FKBP14: variants seen among roughly 807,000 people sequenced by gnomAD.
FKBP14 encodes the protein FKBP prolyl isomerase 14.
Under a neutral mutation model 21.6 loss-of-function variants are expected in FKBP14, and 20 were observed. The ratio of observed to expected loss-of-function variants is 0.92; its 90% CI spans 0.65 to 1.34. The LOEUF (loss-of-function observed/expected upper bound fraction) is 1.34, where lower values mean the gene tolerates loss of function less well. FKBP14 is among the 40% of genes most tolerant of loss of function. The pLI is 0.00. For missense variants in FKBP14, 253 were observed against 249.0 expected, an observed-to-expected ratio of 1.02 and a Z score of -0.11; for synonymous variants, 79 against 86.7, an observed-to-expected ratio of 0.91 and a Z score of 0.49.
At chr7:30,009,954 G>A (rs1006322754), downstream of FKBP14, among the ~76,000 whole-genome samples, 16 of 152,066 alleles carry the variant, frequency 1.1e-4, no homozygotes, top group Non-Finnish European at 1.5e-4. Context: ...AACCAAGATC[G>A]CGCCACTGGA....
At position 30,012,928 on chromosome 7, in the gene FKBP14, G is replaced by A. The variant is rs1280797402; in HGVS notation, c.*1807C>T. The A allele has an allele frequency of 5.9e-5, 9 of 152,068 alleles. No individual in the cohort carries two copies. The highest frequency in any genetic ancestry group is 1.9e-4 in the East Asian group (1 of 5,194). The allele number at this position is 152,068 out of a possible 1,614,324, so 9.4% of individuals were successfully genotyped here. A position where few individuals can be genotyped will look rare whatever the true frequency, so the allele number is the denominator to read the frequency against. On this transcript the variant is annotated 3_prime_UTR_variant, in exon 4 of 4. Coordinates refer to ENST00000222803, the MANE Select transcript of FKBP14 (RefSeq NM_017946.4). ...AGGGCAGTAGAAGACACTGAACTTGGGGACTGAATACTGGTTCTGCAGGTT... is the reference window on the plus strand; with the variant it reads ...AGGGCAGTAGAAGACACTGAACTTGAGGACTGAATACTGGTTCTGCAGGTT...
intron 2 of FKBP14, among the ~76,000 whole-genome samples, chr7:30,022,053 T>A (rs1248783502): frequency 6.6e-6 from 1 of 152,204 alleles, no homozygotes; most frequent in Non-Finnish European, 1.5e-5. Context: ...AATACATTGT[T>A]AAAAACTTTA....
At chr7:30,022,465 C>T (rs1407785602) in intron 2 of FKBP14, 200 bp downstream of exon 2, 3 of 471,118 alleles carry the variant, frequency 6.4e-6, no homozygotes, top group Non-Finnish European at 1.1e-5. Context: ...TTATTGTTAG[C>T]ATAGTTGCCC....
chr7:30,008,759 G>A (rs973749116), downstream of FKBP14, among the ~76,000 whole-genome samples: 12 of 151,686 alleles, frequency 7.9e-5, no homozygotes, highest in African/African-American at 2.7e-4. Flanking sequence ...GGCCGATCAC[G>A]AGGTCAGGAG....
Position 30,012,233 on chromosome 7 carries a change from A to T in FKBP14, c.*2502T>A, listed in dbSNP as rs879313380. On this transcript the variant is annotated 3_prime_UTR_variant, in exon 4 of 4. Coordinates refer to ENST00000222803, the MANE Select transcript of FKBP14 (RefSeq NM_017946.4). ...AGTGAAACCAAAAAAAAGAGCAGAT[A>T]ACTTAAAAACCATAACTTGTGCATA... 2 of 152,248 alleles carry T rather than the reference A, an allele frequency of 1.3e-5. No individual in the cohort carries two copies. Among genetic ancestry groups the T allele is most frequent in the Admixed American group, 1.3e-4 (2 of 15,290 alleles). The allele number at this position is 152,248 out of a possible 1,614,324, so 9.4% of individuals were successfully genotyped here.
chr7:30,006,584 GTATT>G (rs1200183209), downstream of FKBP14, among the ~76,000 whole-genome samples: 4 of 152,122 alleles, frequency 2.6e-5, no homozygotes, highest in Non-Finnish European at 5.9e-5. Context: ...TCACAAAAAT[GTATT>G]TATTGACCAT....
chr7:30,021,913 T>A (rs974578937), intron 2 of FKBP14, among the ~76,000 whole-genome samples: 2 of 152,298 alleles, frequency 1.3e-5, no homozygotes, highest in African/African-American at 4.8e-5. Flanking sequence ...GGTTCTCACT[T>A]GAACAGCAGG....
intron 1 of FKBP14, among the ~76,000 whole-genome samples, chr7:30,025,979 G>A (rs1790161737): frequency 6.6e-6 from 1 of 152,202 alleles, no homozygotes; most frequent in Non-Finnish European, 1.5e-5. Context: ...AATGGAGTTT[G>A]AGATATGAGA....
downstream of FKBP14, among the ~76,000 whole-genome samples, chr7:30,007,253 A>G (rs956006250): frequency 1.4e-5 from 2 of 146,500 alleles, no homozygotes; most frequent in Admixed American, 1.4e-4. Context: ...CTCTGTCACC[A>G]GGCTGGAGTG....
chr7:30,025,026 C>A (rs1455310836), intron 1 of FKBP14, among the ~76,000 whole-genome samples: 2 of 152,166 alleles, frequency 1.3e-5, no homozygotes, highest in Non-Finnish European at 2.9e-5. Context: ...TTTTCTGGAA[C>A]TTTTTCCCAG....
downstream of FKBP14, among the ~76,000 whole-genome samples, chr7:30,009,827 T>TA (rs918480163): frequency 0.025 from 2,561 of 102,346 alleles, 73 homozygotes; most frequent in African/African-American, 0.077. Context: ...CTGTCTCTAC[T>TA]AAAAAAAAAA....
chr7:30,009,526 C>T (rs1583719782), downstream of FKBP14, among the ~76,000 whole-genome samples: 1 of 152,128 alleles, frequency 6.6e-6, no homozygotes, highest in African/African-American at 2.4e-5. Flanking sequence ...AGCCACCACA[C>T]TCGGCATATA....
chr7:30,020,002 GAAAC>G lies in FKBP14; in HGVS notation c.350-883_350-880del, dbSNP rs377064781. Among the ~76,000 whole-genome samples, 199 of 152,100 alleles carry G rather than the reference GAAAC, an allele frequency of 1.3e-3. 1 individual carries two copies. The highest frequency in any genetic ancestry group is 3.4e-3 in the Middle Eastern group (1 of 294). On this transcript the variant is annotated intron_variant, in intron 2 of 3. Coordinates refer to ENST00000222803, the MANE Select transcript of FKBP14 (RefSeq NM_017946.4). Reference sequence around the variant, plus strand: ...AGCTTTGTTAAAATCCCAGGAACCTGAAACAAACAAACAAACAAACAAACACACC... The same window carrying G: ...AGCTTTGTTAAAATCCCAGGAACCTGAAACAAACAAACAAACAAACACACC...
intron 1 of FKBP14, among the ~76,000 whole-genome samples, chr7:30,023,142 A>G (rs558058055): frequency 1.3e-5 from 2 of 152,328 alleles, no homozygotes; most frequent in African/African-American, 4.8e-5. Flanking sequence ...TAACCCTTAC[A>G]ATAAGTCTAT....
rs566178456 is a variant in FKBP14 at position 30,026,576 on chromosome 7, A to G, written c.-68T>C. 41 of 1,455,910 alleles carry G rather than the reference A, an allele frequency of 2.8e-5. No homozygotes were observed. In the South Asian group the frequency reaches 5.3e-4, roughly 19 times the overall value. 90.2% of individuals were successfully genotyped at this position (1,455,910 alleles called of 1,614,324 possible). A position where few individuals can be genotyped will look rare whatever the true frequency, so the allele number is the denominator to read the frequency against. On this transcript the variant is annotated 5_prime_UTR_variant, in exon 1 of 4. Coordinates refer to ENST00000222803, the MANE Select transcript of FKBP14 (RefSeq NM_017946.4). Reference sequence around the variant, plus strand: ...GGTCCCTCGACTTCATAGATTTAAGAACGTAGTTCAAGGCTTACGGACAAG... The same window carrying G: ...GGTCCCTCGACTTCATAGATTTAAGGACGTAGTTCAAGGCTTACGGACAAG...
chr7:30,007,905 C>T (rs1180635444), downstream of FKBP14, among the ~76,000 whole-genome samples: 4 of 152,020 alleles, frequency 2.6e-5, no homozygotes, highest in African/African-American at 7.2e-5. Flanking sequence ...AAAAATTAGC[C>T]GGGCACGCTG....
downstream of FKBP14, among the ~76,000 whole-genome samples, chr7:30,009,388 A>G (rs1562833514): frequency 6.6e-6 from 1 of 151,888 alleles, no homozygotes; most frequent in African/African-American, 2.4e-5. Context: ...GTGCACCACC[A>G]TGCCTGGCTA....
chr7:30,020,195 A>C, intron 2 of FKBP14: 1 of 1,166,498 alleles, frequency 8.6e-7, no homozygotes, highest in Non-Finnish European at 1.1e-6. Flanking sequence ...AAGACTTATA[A>C]AGTGTGCTGA....
At chr7:30,006,929 T>C (rs989871688), downstream of FKBP14, among the ~76,000 whole-genome samples, 9 of 152,224 alleles carry the variant, frequency 5.9e-5, no homozygotes, top group African/African-American at 1.9e-4. Flanking sequence ...TTTGATAATT[T>C]GTATTATGTA....
Sources: allele counts gnomAD v4.1 joint callset (sites outside exome capture counted in the v4.1 genomes callset), GRCh38; gene constraint gnomAD v4.1.1; transcripts MANE v1.5; gene names NCBI Gene and HGNC (gene_info 2026-07-23, HGNC 2026-07-21).